The following OSBPL10 variants were observed in gnomAD, a reference collection of about 807,000 sequenced individuals.
OSBPL10 encodes the protein oxysterol binding protein like 10.
Under a neutral mutation model 81.7 loss-of-function variants are expected in OSBPL10, and 49 were observed. That is an observed-to-expected ratio of 0.60 (90% CI 0.48 to 0.76). The LOEUF (loss-of-function observed/expected upper bound fraction) is 0.76, where lower values mean the gene tolerates loss of function less well. OSBPL10 is among the 30% of genes least tolerant of loss of function. OSBPL10 has a pLI of 0.00. For synonymous variants in OSBPL10, 419 were observed against 383.6 expected (o/e 1.09, Z -1.08); for missense variants, 923 against 987.8 (o/e 0.93, Z 0.88).
At chr3:31,917,454 G>A (rs1296787134) in intron 1 of OSBPL10, among the ~76,000 whole-genome samples, 1 of 151,976 alleles carries the variant, frequency 6.6e-6, no homozygotes, top group Non-Finnish European at 1.5e-5. Flanking sequence ...ACACCTGGCT[G>A]CAGACAAGTG....
At chr3:31,854,757 C>A (rs1480173650) in intron 3 of OSBPL10, among the ~76,000 whole-genome samples, 1 of 152,188 alleles carries the variant, frequency 6.6e-6, no homozygotes, top group Admixed American at 6.5e-5. Flanking sequence ...AAAATAAACA[C>A]ATAAACACAC....
chr3:31,844,599 C>A (rs182734531), intron 3 of OSBPL10, among the ~76,000 whole-genome samples: 2 of 152,194 alleles, frequency 1.3e-5, no homozygotes, highest in East Asian at 1.9e-4. Flanking sequence ...AATAGTAAAT[C>A]CATAGAAACA....
At chr3:31,913,768 C>A (rs889948435) in intron 1 of OSBPL10, among the ~76,000 whole-genome samples, 1 of 152,010 alleles carries the variant, frequency 6.6e-6, no homozygotes, top group Non-Finnish European at 1.5e-5. Context: ...TTTTCAGTGC[C>A]CAAATGTGCA....
chr3:31,858,218 C>G (rs549013615), intron 3 of OSBPL10, among the ~76,000 whole-genome samples: 1 of 152,054 alleles, frequency 6.6e-6, no homozygotes. Flanking sequence ...CCAGGCTGAT[C>G]TCAAACTCCT....
chr3:31,785,319 T>A (rs528362755), intron 4 of OSBPL10, among the ~76,000 whole-genome samples: 2 of 152,178 alleles, frequency 1.3e-5, no homozygotes, highest in East Asian at 3.9e-4. Flanking sequence ...ATAAACTAAC[T>A]GTAACTGAAT....
At chr3:31,757,968 C>T (rs181134629) in intron 4 of OSBPL10, among the ~76,000 whole-genome samples, 1 of 152,306 alleles carries the variant, frequency 6.6e-6, no homozygotes, top group Admixed American at 6.5e-5. Flanking sequence ...GGGAAATTTA[C>T]ATTTATAAAG....
At chr3:32,058,362 G>A (rs4955133) in intron 1 of OSBPL10, among the ~76,000 whole-genome samples, 4 of 151,968 alleles carry the variant, frequency 2.6e-5, no homozygotes, top group African/African-American at 9.7e-5. Context: ...ACAGAGTTTT[G>A]CTCTGTCACC....
intron 2 of OSBPL10, chr3:31,988,816 T>C (rs1698980096): frequency 1.9e-6 from 1 of 516,748 alleles, no homozygotes; most frequent in Non-Finnish European, 3.4e-6. Flanking sequence ...ACCTTGGAAG[T>C]AGGTTGTCAC....
At chr3:31,895,452 C>T (rs893359006) in intron 1 of OSBPL10, among the ~76,000 whole-genome samples, 1 of 151,872 alleles carries the variant, frequency 6.6e-6, no homozygotes, top group Non-Finnish European at 1.5e-5. Context: ...TTTTTTTAAA[C>T]AATCCCAATC....
chr3:31,931,711 G>C (rs1476461451), intron 1 of OSBPL10, among the ~76,000 whole-genome samples: 1 of 152,176 alleles, frequency 6.6e-6, no homozygotes, highest in African/African-American at 2.4e-5. Flanking sequence ...TCTTAGAATG[G>C]TGTCTTGCAC....
intron 4 of OSBPL10, among the ~76,000 whole-genome samples, chr3:31,799,527 C>T (rs966306885): frequency 6.7e-6 from 1 of 150,172 alleles, no homozygotes; most frequent in African/African-American, 2.4e-5. Flanking sequence ...TCTAGTGCCT[C>T]GTTTGTAAAA....
chr3:31,691,293 A>C (rs1695540650), intron 7 of OSBPL10, among the ~76,000 whole-genome samples: 1 of 152,216 alleles, frequency 6.6e-6, no homozygotes, highest in Admixed American at 6.5e-5. Context: ...GGCTCTTAGA[A>C]ATCCGAAATA....
chr3:31,969,716 A>G (rs940496863), intron 1 of OSBPL10, among the ~76,000 whole-genome samples: 4 of 152,264 alleles, frequency 2.6e-5, no homozygotes, highest in African/African-American at 9.6e-5. Context: ...TTAGTCAGGC[A>G]TGGTGGCAGG....
intron 4 of OSBPL10, among the ~76,000 whole-genome samples, chr3:31,814,547 G>A (rs141608841): frequency 4.5e-4 from 69 of 152,238 alleles, no homozygotes; most frequent in Middle Eastern, 3.4e-3. Context: ...CAGGACACAG[G>A]TGCCCGAAGC....
At chr3:31,930,873 GCGTGGTGGCAGGC>G (rs1697222242) in intron 1 of OSBPL10, among the ~76,000 whole-genome samples, 1 of 151,680 alleles carries the variant, frequency 6.6e-6, no homozygotes, top group African/African-American at 2.4e-5. Flanking sequence ...AATTAGCTGG[GCGTGGTGGCAGGC>G]ACCTGTAGTC....
At chr3:31,785,249 A>G (rs1338539093) in intron 4 of OSBPL10, among the ~76,000 whole-genome samples, 2 of 152,252 alleles carry the variant, frequency 1.3e-5, no homozygotes, top group South Asian at 2.1e-4. Flanking sequence ...AACAGAATAT[A>G]AAACTGTATA....
intron 4 of OSBPL10, among the ~76,000 whole-genome samples, chr3:31,782,142 A>G (rs891369187): frequency 1.3e-5 from 2 of 152,214 alleles, no homozygotes; most frequent in African/African-American, 2.4e-5. Context: ...ATCCAGAAAT[A>G]AAGTCAAATA....
intron 5 of OSBPL10, 55 bp from the exon 6 acceptor site, chr3:31,733,466 C>T: frequency 6.2e-7 from 1 of 1,605,222 alleles, no homozygotes; most frequent in Non-Finnish European, 8.5e-7. Flanking sequence ...ACATTTATAG[C>T]TCATGAAATA....
At chr3:31,668,521 T>C in intron 10 of OSBPL10, 121 bp downstream of exon 10, 1 of 884,336 alleles carries the variant, frequency 1.1e-6, no homozygotes. Flanking sequence ...AAGAAGCCAG[T>C]AGAACATGAT....
Sources: gnomAD v4.1 joint callset for allele counts (sites outside exome capture counted in the v4.1 genomes callset) on GRCh38, gnomAD v4.1.1 for gene constraint, MANE v1.5 for transcripts, NCBI Gene and HGNC (gene_info 2026-07-23, HGNC 2026-07-21) for gene names.